Variants in NFIL3 observed in about 807,000 individuals in gnomAD.
NFIL3 encodes the protein nuclear factor, interleukin 3 regulated.
A neutral mutation model predicts 10.0 loss-of-function variants in NFIL3; 5 were observed. The ratio of observed to expected loss-of-function variants is 0.50; its 90% CI spans 0.26 to 1.06. The LOEUF (loss-of-function observed/expected upper bound fraction) is 1.06. NFIL3 is among the 50% of genes least tolerant of loss of function. The pLI is 0.13. For synonymous variants in NFIL3, 202 were observed against 206.5 expected, an observed-to-expected ratio of 0.98 and a Z score of 0.19; for missense variants, 436 against 547.6, an observed-to-expected ratio of 0.80 and a Z score of 2.03.
rs992314137 is a variant in NFIL3 at position 91,409,169 on chromosome 9, G to A, written c.*177C>T. 3.3e-6 allele frequency: 2 copies of A among 603,862 alleles called. No individual in the cohort carries two copies. Among genetic ancestry groups the A allele is most frequent in the African/African-American group, 3.7e-5 (2 of 54,090 alleles). The allele number at this position is 603,862 out of a possible 1,614,324, so 37.4% of individuals were successfully genotyped here. A position where few individuals can be genotyped will look rare whatever the true frequency, so the allele number is the denominator to read the frequency against. ...CTATCTGACTATACACAGGCAGAGTGATAACACAATCTAATCTTCATCATA... is the reference window on the plus strand; with the variant it reads ...CTATCTGACTATACACAGGCAGAGTAATAACACAATCTAATCTTCATCATA... On this transcript the variant is annotated 3_prime_UTR_variant, in exon 2 of 2. Transcript: ENST00000297689.
upstream of NFIL3, among the ~76,000 whole-genome samples, chr9:91,424,330 A>G (rs889117638): frequency 1.3e-5 from 2 of 152,162 alleles, no homozygotes; most frequent in African/African-American, 4.8e-5. Context: ...CCGACTGAGC[A>G]CTGCGGGTTG....
At chr9:91,480,373 T>C in the NFIL3 span, among the ~76,000 whole-genome samples, 19 of 152,196 alleles carry the variant, frequency 1.2e-4, no homozygotes, top group East Asian at 3.3e-3. Context: ...AAGAGAGTAA[T>C]GAAACCCAAG....
intron 1 of NFIL3, among the ~76,000 whole-genome samples, chr9:91,413,703 G>A (rs1018094855): frequency 6.6e-6 from 1 of 152,188 alleles, no homozygotes; most frequent in Non-Finnish European, 1.5e-5. Context: ...GAGTGGAGAA[G>A]TAAAGAGGAA....
the NFIL3 span, among the ~76,000 whole-genome samples, chr9:91,481,504 T>C: frequency 7.7e-3 from 1,173 of 152,258 alleles, 15 homozygotes; most frequent in African/African-American, 0.027. Context: ...GCTGTGATTG[T>C]ATACAATACT....
chr9:91,480,338 G>A, the NFIL3 span, among the ~76,000 whole-genome samples: 4 of 152,132 alleles, frequency 2.6e-5, no homozygotes, highest in South Asian at 2.1e-4. Flanking sequence ...AGTTAAACCC[G>A]TGTGTGAGCT....
At chr9:91,448,546 C>T in the NFIL3 span, among the ~76,000 whole-genome samples, 1 of 152,146 alleles carries the variant, frequency 6.6e-6, no homozygotes, top group East Asian at 1.9e-4. Context: ...CAAATACCTC[C>T]CACTAGGCCC....
chr9:91,470,447 T>C, the NFIL3 span, among the ~76,000 whole-genome samples: 1 of 139,096 alleles, frequency 7.2e-6, no homozygotes, highest in East Asian at 2.1e-4. Context: ...TGTATCAATT[T>C]TGTTGATCTT....
the NFIL3 span, among the ~76,000 whole-genome samples, chr9:91,474,087 T>TG: frequency 1.2e-5 from 1 of 85,080 alleles, no homozygotes; most frequent in African/African-American, 1.3e-4. Context: ...AGGGTTTTTG[T>TG]TTTTTTTTTT....
At chr9:91,443,905 C>A in the NFIL3 span, among the ~76,000 whole-genome samples, 70 of 152,286 alleles carry the variant, frequency 4.6e-4, no homozygotes, top group African/African-American at 1.7e-3. Context: ...ATAATGTACC[C>A]CAGAGAGGAC....
chr9:91,440,768 TGCTTAGGA>T, the NFIL3 span, among the ~76,000 whole-genome samples: 20,268 of 152,116 alleles, frequency 0.13, 1,493 homozygotes, highest in East Asian at 0.34. Context: ...ACTCATTGAT[TGCTTAGGA>T]GCATGTTGTT....
the NFIL3 span, among the ~76,000 whole-genome samples, chr9:91,438,746 C>G: frequency 6.6e-6 from 1 of 152,124 alleles, no homozygotes; most frequent in East Asian, 1.9e-4. Context: ...GTTTTCCTAG[C>G]CCCATTTATT....
chr9:91,437,917 C>A, the NFIL3 span, among the ~76,000 whole-genome samples: 1 of 152,172 alleles, frequency 6.6e-6, no homozygotes, highest in Non-Finnish European at 1.5e-5. Context: ...TCTCTACAGA[C>A]ACACAGGTTG....
In NFIL3 at chr9:91,409,217, AACAG is replaced by A; in HGVS notation, c.*125_*128del. 1.2e-6 allele frequency: 1 copy of A among 864,198 alleles called. No homozygotes were observed. The highest frequency in any genetic ancestry group is 1.7e-6 in the Non-Finnish European group (1 of 575,460). 53.5% of individuals were successfully genotyped at this position (864,198 alleles called of 1,614,324 possible). A position where few individuals can be genotyped will look rare whatever the true frequency, so the allele number is the denominator to read the frequency against. On this transcript the variant is annotated 3_prime_UTR_variant, in exon 2 of 2. Transcript: ENST00000297689. ...ATAATCTGTGCACAAAAAGACACCA[AACAG>A]ACAACATGTGCACATCACAGTGAAA... is the stretch of plus-strand genomic sequence containing the variant.
At chr9:91,473,995 G>A in the NFIL3 span, among the ~76,000 whole-genome samples, 3 of 152,040 alleles carry the variant, frequency 2.0e-5, no homozygotes, top group Admixed American at 6.5e-5. Flanking sequence ...GAATAGGAGT[G>A]GTGAGAGGGA....
At chr9:91,439,744 G>T in the NFIL3 span, among the ~76,000 whole-genome samples, 95 of 152,212 alleles carry the variant, frequency 6.2e-4, 1 homozygote, top group African/African-American at 2.2e-3. Flanking sequence ...TTCGTTAAAT[G>T]CTTTTTCCTT....
chr9:91,481,073 G>A, the NFIL3 span, among the ~76,000 whole-genome samples: 6 of 152,100 alleles, frequency 3.9e-5, no homozygotes, highest in Admixed American at 2.6e-4. Flanking sequence ...CAGAAATAAC[G>A]TGTTTTTAAA....
intron 1 of NFIL3, among the ~76,000 whole-genome samples, chr9:91,412,507 C>T (rs906473866): frequency 2.0e-5 from 3 of 152,244 alleles, no homozygotes; most frequent in Non-Finnish European, 2.9e-5. Context: ...ACAGTTCCAT[C>T]AGCACGATCT....
upstream of NFIL3, among the ~76,000 whole-genome samples, chr9:91,428,076 T>C (rs1221004315): frequency 6.6e-6 from 1 of 152,208 alleles, no homozygotes; most frequent in African/African-American, 2.4e-5. Context: ...TCATTGACTG[T>C]TGAGGCAGAA....
At chr9:91,466,871 C>G in the NFIL3 span, among the ~76,000 whole-genome samples, 5 of 152,130 alleles carry the variant, frequency 3.3e-5, no homozygotes, top group Non-Finnish European at 2.9e-5. Flanking sequence ...CAAATACTCT[C>G]CTAGATATTT....
Sources: allele counts gnomAD v4.1 joint callset (sites outside exome capture counted in the v4.1 genomes callset), GRCh38; gene constraint gnomAD v4.1.1; transcripts MANE v1.5; gene names NCBI Gene and HGNC (gene_info 2026-07-23, HGNC 2026-07-21).